Variants in MAGOH observed in about 807,000 individuals in gnomAD.
MAGOH encodes mago homolog, exon junction complex subunit.
Under a neutral mutation model 20.9 loss-of-function variants are expected in MAGOH, and 3 were observed. The observed-to-expected ratio is 0.14, with a 90% CI of 0.07 to 0.37. The LOEUF is 0.37. MAGOH is among the 10% of genes least tolerant of loss of function. The pLI, the probability that MAGOH is intolerant of heterozygous loss-of-function variation, is 1.00. For synonymous variants in MAGOH, 51 were observed against 61.0 expected (o/e 0.84, Z 0.76); for missense variants, 66 against 178.1 (o/e 0.37, Z 3.58).
At chr1:53,231,511 A>C (rs905197693) in intron 3 of MAGOH, among the ~76,000 whole-genome samples, 2 of 152,238 alleles carry the variant, frequency 1.3e-5, no homozygotes, top group African/African-American at 4.8e-5. Flanking sequence ...AATTTTAAAA[A>C]TATTCCATAA....
At chr1:53,238,264 C>A in intron 1 of MAGOH, 97 bp downstream of exon 1, 1 of 1,085,542 alleles carries the variant, frequency 9.2e-7, no homozygotes, top group Admixed American at 1.8e-5. Flanking sequence ...CAGTCCCTCC[C>A]TCCTCTAGTT....
At chr1:53,231,899 A>C (rs1292153464) in intron 3 of MAGOH, among the ~76,000 whole-genome samples, 1 of 152,218 alleles carries the variant, frequency 6.6e-6, no homozygotes, top group East Asian at 1.9e-4. Flanking sequence ...TGCCATCCAC[A>C]AAAACGATAC....
At chr1:53,227,179 A>G in intron 4 of MAGOH, 35 bp from the exon 5 acceptor site, 1 of 1,244,072 alleles carries the variant, frequency 8.0e-7, no homozygotes, top group Non-Finnish European at 1.1e-6. Flanking sequence ...TAGGCATTAA[A>G]ACTTTGACCC....
intron 2 of MAGOH, chr1:53,233,861 C>T (rs1645598365): frequency 2.1e-6 from 1 of 469,644 alleles, no homozygotes; most frequent in Admixed American, 3.8e-5. Flanking sequence ...CCCTATCTAG[C>T]TGTTACTACC....
intron 1 of MAGOH, 29 bp downstream of exon 1, chr1:53,238,332 G>A (rs753987893): frequency 5.0e-6 from 8 of 1,611,692 alleles, no homozygotes; most frequent in Non-Finnish European, 6.8e-6. Context: ...CCTGGTCCCC[G>A]CTCCCGGCGG....
rs1158195010 is a variant in MAGOH, at chr1:53,226,972, A to G, written c.*73T>C. 3 of 728,522 alleles carry G rather than the reference A, an allele frequency of 4.1e-6. No homozygotes were observed. In the African/African-American group the frequency reaches 5.6e-5, roughly 14 times the overall value. 45.1% of individuals were successfully genotyped at this position (728,522 alleles called of 1,614,324 possible). A position where few individuals can be genotyped will look rare whatever the true frequency, so the allele number is the denominator to read the frequency against. On this transcript the variant is annotated 3_prime_UTR_variant, in exon 5 of 5. Transcript: ENST00000371470. ...TTAAAGACAATCATTTATAGTTCAT[A>G]AAAAAATACTGCCCTGATATACACA... is the stretch of plus-strand genomic sequence containing the variant.
chr1:53,238,506 T>C lies in MAGOH; in HGVS notation c.-58A>G, dbSNP rs558592853. On this transcript the variant is annotated 5_prime_UTR_variant, in exon 1 of 5. Coordinates refer to ENST00000371470, the MANE Select transcript of MAGOH (RefSeq NM_002370.4). ...AAGAGCAAGCCGCACTGCCGCCGTC[T>C]GCGCCCGACACTGACGTTTGCGGCG... 80 of 1,483,920 alleles carry C rather than the reference T, an allele frequency of 5.4e-5. 1 individual carries two copies. In the South Asian group the frequency reaches 8.1e-4, roughly 15 times the overall value. The allele number at this position is 1,483,920 out of a possible 1,614,324, so 91.9% of individuals were successfully genotyped here.
At chr1:53,237,111 G>C (rs969142676) in intron 1 of MAGOH, among the ~76,000 whole-genome samples, 1 of 151,564 alleles carries the variant, frequency 6.6e-6, no homozygotes, top group African/African-American at 2.4e-5. Context: ...ACCACACCCG[G>C]CTAATTTTTG....
chr1:53,227,152 A>C lies in MAGOH; in HGVS notation c.342-8T>G, dbSNP rs770747251. On this transcript the variant is annotated splice_region_variant and splice_polypyrimidine_tract_variant and intron_variant, in intron 4 of 4. Coordinates refer to ENST00000371470, the MANE Select transcript of MAGOH (RefSeq NM_002370.4). ...CGTAAGCCTTCTGGATCCCTAAAATACAAAAGGAAAAAAGTTTAGGCATTA... is the reference window on the plus strand; with the variant it reads ...CGTAAGCCTTCTGGATCCCTAAAATCCAAAAGGAAAAAAGTTTAGGCATTA... 1 of 1,545,278 alleles carries C rather than the reference A, an allele frequency of 6.5e-7. No homozygotes were observed.
At chr1:53,235,057 A>C (rs555038138) in intron 2 of MAGOH, among the ~76,000 whole-genome samples, 7 of 152,304 alleles carry the variant, frequency 4.6e-5, no homozygotes, top group African/African-American at 1.7e-4. Context: ...TGGGCTTACA[A>C]TCAGGGTTAA....
intron 3 of MAGOH, among the ~76,000 whole-genome samples, chr1:53,231,571 C>T (rs1645586486): frequency 6.6e-6 from 1 of 152,270 alleles, no homozygotes; most frequent in East Asian, 1.9e-4. Flanking sequence ...TCGTTCTTTT[C>T]CCATTAATGT....
intron 4 of MAGOH, among the ~76,000 whole-genome samples, chr1:53,228,197 C>T (rs773178819): frequency 3.9e-5 from 6 of 151,942 alleles, no homozygotes; most frequent in African/African-American, 9.7e-5. Flanking sequence ...TTTGGGAGGC[C>T]GAGGCAGGCG....
At chr1:53,236,491 A>G (rs1645611098) in intron 1 of MAGOH, among the ~76,000 whole-genome samples, 1 of 152,204 alleles carries the variant, frequency 6.6e-6, no homozygotes, top group African/African-American at 2.4e-5. Flanking sequence ...GCTGAAGTCA[A>G]ACTACTTGGT....
intron 4 of MAGOH, among the ~76,000 whole-genome samples, chr1:53,227,412 A>C (rs970929489): frequency 2.5e-4 from 38 of 152,232 alleles, no homozygotes; most frequent in Admixed American, 1.0e-3. Flanking sequence ...GAAATACTGC[A>C]AGATAGTAAT....
chr1:53,233,460 AC>A, intron 3 of MAGOH, 81 bp downstream of exon 3: 1 of 895,330 alleles, frequency 1.1e-6, no homozygotes, highest in East Asian at 2.4e-5. Context: ...GAGATAGGCA[AC>A]AAAAGCTTTA....
In MAGOH at chr1:53,228,859, C is replaced by T; in HGVS notation, c.341+13G>A. ...AACAGACACAACTGGATATAAGGATCATGCACACTTACTTGGATTGATTGA... is the reference window on the plus strand; with the variant it reads ...AACAGACACAACTGGATATAAGGATTATGCACACTTACTTGGATTGATTGA... On this transcript the variant is annotated intron_variant, in intron 4 of 4. Coordinates refer to ENST00000371470, the MANE Select transcript of MAGOH (RefSeq NM_002370.4). 6.3e-7 allele frequency: 1 copy of T among 1,582,008 alleles called. No homozygotes were observed. Among genetic ancestry groups the T allele is most frequent in the Non-Finnish European group, 8.7e-7 (1 of 1,150,966 alleles).
At chr1:53,236,934 AG>A (rs1408530009) in intron 1 of MAGOH, among the ~76,000 whole-genome samples, 1 of 148,650 alleles carries the variant, frequency 6.7e-6, no homozygotes, top group Non-Finnish European at 1.5e-5. Flanking sequence ...CTATCTCTGT[AG>A]TCCCAACCAG....
At chr1:53,237,679 A>AAAAAAAAAAAAAAAC (rs1645619449) in intron 1 of MAGOH, among the ~76,000 whole-genome samples, 1 of 149,648 alleles carries the variant, frequency 6.7e-6, no homozygotes, top group Non-Finnish European at 1.5e-5. Flanking sequence ...GTCTCAAAAA[A>AAAAAAAAAAAAAAAC]AAAAAAAAAA....
chr1:53,231,752 C>T (rs1645587754), intron 3 of MAGOH, among the ~76,000 whole-genome samples: 1 of 152,122 alleles, frequency 6.6e-6, no homozygotes, highest in African/African-American at 2.4e-5. Flanking sequence ...CTACTCTTGC[C>T]TCTGATTTTC....
Sources: gnomAD v4.1 joint callset for allele counts (sites outside exome capture counted in the v4.1 genomes callset) on GRCh38, gnomAD v4.1.1 for gene constraint, MANE v1.5 for transcripts, NCBI Gene and HGNC (gene_info 2026-07-23, HGNC 2026-07-21) for gene names.